CAPN2: variants seen among roughly 807,000 people sequenced by gnomAD.
The protein encoded by CAPN2 is calpain 2.
A neutral mutation model predicts 102.3 loss-of-function variants in CAPN2; 92 were observed. The ratio of observed to expected loss-of-function variants is 0.90; its 90% CI spans 0.76 to 1.07. The LOEUF (loss-of-function observed/expected upper bound fraction) is 1.07, where lower values mean the gene tolerates loss of function less well. CAPN2 is among the 50% of genes least tolerant of loss of function. The pLI is 0.00. For synonymous variants in CAPN2, 340 were observed against 355.4 expected (o/e 0.96, Z 0.49); for missense variants, 800 against 909.4 (o/e 0.88, Z 1.55).
intron 20 of CAPN2, 122 bp from the exon 21 acceptor site, chr1:223,774,712 G>T: frequency 1.2e-6 from 1 of 811,830 alleles, no homozygotes. Context: ...TTAGTGCACT[G>T]ATATTGTAGC....
intron 4 of CAPN2, 39 bp downstream of exon 4, chr1:223,745,478 C>G: frequency 6.2e-7 from 1 of 1,612,134 alleles, no homozygotes; most frequent in Non-Finnish European, 8.5e-7. Context: ...GGCCTTCCCC[C>G]AATGCCCTGG....
intron 2 of CAPN2, among the ~76,000 whole-genome samples, chr1:223,730,281 A>C (rs867789217): frequency 6.6e-6 from 1 of 152,060 alleles, no homozygotes; most frequent in South Asian, 2.1e-4. Flanking sequence ...CGTGCTGCCC[A>C]GGATGGCTTT....
chr1:223,764,384 G>A (rs147861986), intron 15 of CAPN2, among the ~76,000 whole-genome samples, 177 bp downstream of exon 15: 34 of 152,312 alleles, frequency 2.2e-4, no homozygotes, highest in African/African-American at 8.2e-4. Flanking sequence ...AGTGTTTGTA[G>A]CATCCACAGA....
intron 2 of CAPN2, among the ~76,000 whole-genome samples, chr1:223,729,559 T>G (rs61823981): frequency 0.19 from 28,599 of 152,126 alleles, 3,178 homozygotes; most frequent in African/African-American, 0.32. Flanking sequence ...TAGGAGGACA[T>G]AAGTTACAGG....
At chr1:223,707,023 T>G in intron 1 of CAPN2, among the ~76,000 whole-genome samples, 1 of 145,256 alleles carries the variant, frequency 6.9e-6, no homozygotes, top group East Asian at 2.0e-4. Flanking sequence ...GAGGTTGCAG[T>G]GAGCCGAGAT....
At chr1:223,765,556 A>G (rs9286986) in intron 15 of CAPN2, among the ~76,000 whole-genome samples, 2,524 of 152,294 alleles carry the variant, frequency 0.017, 76 homozygotes, top group African/African-American at 0.058. Flanking sequence ...CCTTGCCTGG[A>G]TTCAGCCCGC....
At chr1:223,765,531 TG>T (rs1380811083) in intron 15 of CAPN2, among the ~76,000 whole-genome samples, 3 of 151,396 alleles carry the variant, frequency 2.0e-5, no homozygotes, top group African/African-American at 7.3e-5. Context: ...GGCTGGGAGG[TG>T]GGGAAGAAGC....
intron 1 of CAPN2, among the ~76,000 whole-genome samples, chr1:223,713,307 G>A (rs1307199748): frequency 2.0e-5 from 3 of 152,128 alleles, no homozygotes; most frequent in Non-Finnish European, 4.4e-5. Context: ...TCTCCAACTG[G>A]GGTTCTGTCT....
intron 11 of CAPN2, 37 bp downstream of exon 11, chr1:223,757,417 CA>C: frequency 6.2e-7 from 1 of 1,612,612 alleles, no homozygotes; most frequent in Non-Finnish European, 8.5e-7. Flanking sequence ...CTCAGGTCAC[CA>C]AAAAAGCGAG....
rs1458854366 is a variant in CAPN2, at chr1:223,717,802, C to G, written c.278C>G (p.Thr93Ser). The change falls in exon 2 of 21, where the codon ACC (threonine) becomes AGC (serine). Residue 93 changes from threonine (T) to serine (S), a missense_variant. By Grantham distance (58) the Thr-to-Ser change is moderately conservative. Coordinates refer to ENST00000295006, the MANE Select transcript of CAPN2 (RefSeq NM_001748.5). ...ADPQFIIGGA[T>S]RTDICQGALG... The stretch of plus-strand genomic sequence containing the variant: ...CCCCAGTTTATCATTGGAGGAGCCA[C>G]CCGCACAGACATCTGCCAAGGAGCC... The G allele has an allele frequency of 6.2e-7, 1 of 1,614,074 alleles. No homozygotes were observed.
At chr1:223,765,926 G>C (rs971105650) in intron 15 of CAPN2, among the ~76,000 whole-genome samples, 8 of 152,176 alleles carry the variant, frequency 5.3e-5, no homozygotes, top group African/African-American at 1.9e-4. Flanking sequence ...AGTTCCTCAG[G>C]TTTCTCAGTC....
Position 223,764,219 on chromosome 1 carries a change from C to T in CAPN2, c.1690+12C>T. 2 of 1,611,444 alleles carry T rather than the reference C, an allele frequency of 1.2e-6. No homozygotes were observed. Among genetic ancestry groups the T allele is most frequent in the East Asian group, 4.5e-5 (2 of 44,854 alleles). ...GGTTCTAGCAAAGCGTGAGTATCCC[C>T]TCATTGCAAAACCTCATCCTGCTCT... On this transcript the variant is annotated intron_variant, in intron 15 of 20. Transcript: ENST00000295006.
intron 3 of CAPN2, among the ~76,000 whole-genome samples, chr1:223,744,468 A>G (rs950343924): frequency 6.6e-6 from 1 of 152,084 alleles, no homozygotes; most frequent in Non-Finnish European, 1.5e-5. Context: ...GTGTTCAGGA[A>G]CTAATTCCCA....
chr1:223,742,899 C>G (rs532210856), intron 2 of CAPN2, among the ~76,000 whole-genome samples: 1 of 152,248 alleles, frequency 6.6e-6, no homozygotes, highest in Admixed American at 6.5e-5. Flanking sequence ...AGGCTACTTC[C>G]CATTATTGTC....
At position 223,726,328 on chromosome 1, in the gene CAPN2, G is replaced by A. The variant is rs970799069; in HGVS notation, c.307+8497G>A. Among the ~76,000 whole-genome samples the A allele has an allele frequency of 1.3e-5, 2 of 152,180 alleles. No individual in the cohort carries two copies. The highest frequency in any genetic ancestry group is 6.5e-5 in the Admixed American group (1 of 15,278). On this transcript the variant is annotated intron_variant, in intron 2 of 20. Coordinates refer to ENST00000295006, the MANE Select transcript of CAPN2 (RefSeq NM_001748.5). The surrounding 1 kb of genome is among the most constrained non-coding windows in gnomAD (Gnocchi z 4.4). ...AGAGGGTGGGTTTGCCTGCGCCTGG[G>A]GGGAGGGCAGCCATCAGGAAGGAGC...
chr1:223,742,758 C>A (rs1660656493), intron 2 of CAPN2, among the ~76,000 whole-genome samples: 1 of 152,130 alleles, frequency 6.6e-6, no homozygotes, highest in Non-Finnish European at 1.5e-5. Context: ...TGTGCTCAAA[C>A]AACCCACTGA....
At chr1:223,708,777 C>T (rs981420886), upstream of CAPN2, among the ~76,000 whole-genome samples, 2 of 111,226 alleles carry the variant, frequency 1.8e-5, no homozygotes, top group South Asian at 2.8e-4. Flanking sequence ...AAAGAAAGAG[C>T]GAAAGAGAGA....
At chr1:223,750,250 C>T (rs939914126) in intron 6 of CAPN2, among the ~76,000 whole-genome samples, 16 of 152,164 alleles carry the variant, frequency 1.1e-4, no homozygotes, top group Admixed American at 3.3e-4. Flanking sequence ...GCCATGTCTG[C>T]TTTATCTATG....
chr1:223,712,045 G>A (rs1043728523), upstream of CAPN2, among the ~76,000 whole-genome samples: 4 of 152,332 alleles, frequency 2.6e-5, no homozygotes, highest in Admixed American at 2.6e-4. Flanking sequence ...GTCATTTAGC[G>A]TCTCCGAGGC....
Sources: gnomAD v4.1 joint callset for allele counts (sites outside exome capture counted in the v4.1 genomes callset) on GRCh38, gnomAD v4.1.1 for gene constraint, Gnocchi (gnomAD v3.1) non-coding constraint, MANE v1.5 for transcripts, NCBI Gene and HGNC (gene_info 2026-07-23, HGNC 2026-07-21) for gene names.